TRIO: variants seen among roughly 807,000 people sequenced by gnomAD.
The protein encoded by TRIO is triple functional domain protein.
A neutral mutation model predicts 351.9 loss-of-function variants in TRIO; 58 were observed. The ratio of observed to expected loss-of-function variants is 0.16; its 90% CI spans 0.13 to 0.21. The LOEUF is 0.21. TRIO is among the 10% of genes least tolerant of loss of function. The probability of loss-of-function intolerance (pLI) is 1.00; values close to 1 mark genes in which losing one functional copy is unlikely to be tolerated. For missense variants in TRIO, 3,201 were observed against 4,027.8 expected (o/e 0.79, Z 5.56); for synonymous variants, 1,758 against 1,595.7 (o/e 1.10, Z -2.42).
Position 14,487,951 on chromosome 5 carries a change from G to C in TRIO, c.7323G>C (p.Leu2441=). The part of the protein sequence containing the change: ...DAPAKDARAS[L]GTLPLGKPRA... ...CCGCCAAGGACGCGCGCGCTAGCCT[G>C]GGCACCCTGCCGCTTGGGAAGCCCC... Residue 2441 remains leucine (L), a synonymous_variant, in exon 48 of 57, where the codon CTG becomes CTC. Transcript: ENST00000344204. The C allele has an allele frequency of 6.5e-7, 1 of 1,549,238 alleles. No individual in the cohort carries two copies. The highest frequency in any genetic ancestry group is 8.7e-7 in the Non-Finnish European group (1 of 1,147,188).
At chr5:14,328,859 C>T (rs1053491426) in intron 9 of TRIO, among the ~76,000 whole-genome samples, 6 of 152,142 alleles carry the variant, frequency 3.9e-5, no homozygotes, top group African/African-American at 1.4e-4. Context: ...CAGGCTCGGC[C>T]TCCACCCCCA....
intron 31 of TRIO, among the ~76,000 whole-genome samples, chr5:14,401,452 C>T (rs549240323): frequency 3.8e-4 from 58 of 152,282 alleles, no homozygotes; most frequent in Middle Eastern, 6.8e-3. Context: ...TCACCTGGTG[C>T]GTGTTTGAGG....
chr5:14,392,842 C>T (rs369560447), intron 27 of TRIO, among the ~76,000 whole-genome samples: 11 of 152,092 alleles, frequency 7.2e-5, no homozygotes, highest in Admixed American at 1.3e-4. Flanking sequence ...GTCAGGAGAT[C>T]GACACCATCC....
chr5:14,336,068 A>G (rs185757513), intron 10 of TRIO, among the ~76,000 whole-genome samples: 1 of 152,260 alleles, frequency 6.6e-6, no homozygotes, highest in Non-Finnish European at 1.5e-5. Context: ...AGGGATAGCA[A>G]CTTATGTTTG....
At chr5:14,479,453 G>T in intron 42 of TRIO, 103 bp downstream of exon 42, 1 of 993,328 alleles carries the variant, frequency 1.0e-6, no homozygotes, top group Non-Finnish European at 1.5e-6. Flanking sequence ...AATTTCCAAA[G>T]AAAATTAGCC....
rs369291500 is a variant in TRIO at position 14,241,652 on chromosome 5, A to G, written c.158-29173A>G. On this transcript the variant is annotated intron_variant, in intron 1 of 56. Coordinates refer to ENST00000344204, the MANE Select transcript of TRIO (RefSeq NM_007118.4). Reference sequence around the variant, plus strand: ...AAACTCTGATTTTAGGATGCTTCATATTTTATATTATTTAAAATAGCACAA... The same window carrying G: ...AAACTCTGATTTTAGGATGCTTCATGTTTTATATTATTTAAAATAGCACAA... Among the ~76,000 whole-genome samples the G allele has an allele frequency of 9.2e-5, 14 of 152,338 alleles. No homozygotes were observed. In the East Asian group the frequency reaches 2.3e-3, roughly 25 times the overall value.
At chr5:14,399,990 G>A (rs758385676) in intron 30 of TRIO, among the ~76,000 whole-genome samples, 1 of 152,148 alleles carries the variant, frequency 6.6e-6, no homozygotes, top group African/African-American at 2.4e-5. Context: ...TTTTTGTGAT[G>A]TCCATATATA....
intron 1 of TRIO, among the ~76,000 whole-genome samples, chr5:14,229,143 C>T (rs867463066): frequency 6.6e-6 from 1 of 151,742 alleles, no homozygotes; most frequent in Middle Eastern, 3.4e-3. Context: ...TAAAACACAC[C>T]AGGGTATGTC....
At chr5:14,347,334 TCTCA>T (rs1333642561) in intron 11 of TRIO, among the ~76,000 whole-genome samples, 1 of 124,114 alleles carries the variant, frequency 8.1e-6, no homozygotes, top group East Asian at 2.4e-4. Flanking sequence ...GGACCAGTCA[TCTCA>T]GGTGGACCTG....
At chr5:14,320,378 T>C (rs1289115508) in intron 9 of TRIO, among the ~76,000 whole-genome samples, 1 of 152,174 alleles carries the variant, frequency 6.6e-6, no homozygotes, top group Non-Finnish European at 1.5e-5. Flanking sequence ...TCTTGGATTG[T>C]TGAGATTCAG....
At chr5:14,265,217 T>G (rs750501775) in intron 1 of TRIO, among the ~76,000 whole-genome samples, 3 of 152,116 alleles carry the variant, frequency 2.0e-5, no homozygotes, top group Non-Finnish European at 4.4e-5. Context: ...TGGGCTTGGC[T>G]GCTTTTAAAG....
chr5:14,185,721 G>A (rs1307860035), intron 1 of TRIO, among the ~76,000 whole-genome samples: 10 of 152,220 alleles, frequency 6.6e-5, no homozygotes, highest in Admixed American at 5.2e-4. Flanking sequence ...ATTCAGACTT[G>A]GCTTGCCCCT....
rs540567808 is a variant in TRIO, at chr5:14,289,668, T to G, written c.541-1048T>G. Reference sequence around the variant, plus strand: ...TTTGAAACCAGCGTGACCAACATGGTGAAACCCCGTCTCTACTAAAAATAC... The same window carrying G: ...TTTGAAACCAGCGTGACCAACATGGGGAAACCCCGTCTCTACTAAAAATAC... On this transcript the variant is annotated intron_variant, in intron 4 of 56. Transcript: ENST00000344204. Among the ~76,000 whole-genome samples the G allele has an allele frequency of 3.9e-4, 59 of 151,994 alleles. No individual in the cohort carries two copies. In the East Asian group the frequency reaches 0.01, roughly 27 times the overall value.
At chr5:14,277,930 G>A (rs1422009561) in intron 2 of TRIO, among the ~76,000 whole-genome samples, 2 of 152,212 alleles carry the variant, frequency 1.3e-5, no homozygotes, top group African/African-American at 2.4e-5. Context: ...TTAGCAGGGA[G>A]ATTAGCATGT....
chr5:14,373,397 T>C (rs1229624901), intron 18 of TRIO, among the ~76,000 whole-genome samples: 5 of 152,202 alleles, frequency 3.3e-5, no homozygotes, highest in Non-Finnish European at 7.4e-5. Flanking sequence ...ATGACTAGAC[T>C]GTGGGCTCTA....
At chr5:14,169,509 A>C (rs1276589823) in intron 1 of TRIO, among the ~76,000 whole-genome samples, 1 of 152,218 alleles carries the variant, frequency 6.6e-6, no homozygotes, top group East Asian at 1.9e-4. Context: ...GCCCAGTTTC[A>C]TAAATTCTTA....
At chr5:14,290,256 T>G (rs1736791541) in intron 4 of TRIO, among the ~76,000 whole-genome samples, 1 of 152,194 alleles carries the variant, frequency 6.6e-6, no homozygotes, top group African/African-American at 2.4e-5. Context: ...GCAAGACGTT[T>G]GTGTAATAGC....
chr5:14,168,618 C>T (rs548375817), intron 1 of TRIO, among the ~76,000 whole-genome samples: 1 of 152,170 alleles, frequency 6.6e-6, no homozygotes, highest in Non-Finnish European at 1.5e-5. Context: ...TGCATGTCTT[C>T]TTCCTGTTTC....
rs985077081 is a variant in TRIO, at chr5:14,143,476, G to C, written c.-250G>C. On this transcript the variant is annotated 5_prime_UTR_variant, in exon 1 of 57. Coordinates refer to ENST00000344204, the MANE Select transcript of TRIO (RefSeq NM_007118.4). ...GCTGCCCGCGCTCCGGCCGGCGCCCGGGAGGCCGTGGCTCCGCGCCTCCGC... is the reference window on the plus strand; with the variant it reads ...GCTGCCCGCGCTCCGGCCGGCGCCCCGGAGGCCGTGGCTCCGCGCCTCCGC... Among the ~76,000 whole-genome samples the C allele has an allele frequency of 6.8e-6, 1 of 148,132 alleles. No individual in the cohort carries two copies. The highest frequency in any genetic ancestry group is 1.5e-5 in the Non-Finnish European group (1 of 66,552).
Sources: gnomAD v4.1 joint callset for allele counts (sites outside exome capture counted in the v4.1 genomes callset) on GRCh38, gnomAD v4.1.1 for gene constraint, MANE v1.5 for transcripts, NCBI Gene and HGNC (gene_info 2026-07-23, HGNC 2026-07-21) for gene names.